Variants in SDK1 observed in about 807,000 individuals in gnomAD.
SDK1 encodes the protein protein sidekick-1.
Under a neutral mutation model 245.5 loss-of-function variants are expected in SDK1, and 157 were observed. That is an observed-to-expected ratio of 0.64 (90% confidence interval 0.56 to 0.73). The LOEUF is 0.73. Among genes scored for constraint, SDK1 ranks in the 30% least tolerant of loss-of-function variants. The pLI, the probability that SDK1 is intolerant of heterozygous loss-of-function variation, is 0.00. For missense variants in SDK1, 3,583 were observed against 3,002.3 expected, an observed-to-expected ratio of 1.19 and a Z score of -4.52; for synonymous variants, 1,647 against 1,278.5, an observed-to-expected ratio of 1.29 and a Z score of -6.15.
At position 3,680,191 on chromosome 7, in the gene SDK1, C is replaced by G. The variant is rs111917248; in HGVS notation, c.713+38086C>G. Among the ~76,000 whole-genome samples, 611 of 152,282 alleles carry G rather than the reference C, an allele frequency of 4.0e-3. 7 individuals carry two copies. The highest frequency in any genetic ancestry group is 0.014 in the African/African-American group (566 of 41,546). On this transcript the variant is annotated intron_variant, in intron 4 of 44. Transcript: ENST00000404826. ...CTTAGGGAAAAACCCAATCTCCAAT[C>G]TCAAAAGGCTTTAGACTGTGTGAGT... is the stretch of plus-strand genomic sequence containing the variant.
intron 19 of SDK1, among the ~76,000 whole-genome samples, chr7:4,067,339 G>T (rs1779971199): frequency 6.6e-6 from 1 of 152,196 alleles, no homozygotes; most frequent in African/African-American, 2.4e-5. Flanking sequence ...CGCCCCTCTG[G>T]AATCCTTCAG....
chr7:3,806,537 C>T lies in SDK1; in HGVS notation c.714-14913C>T, dbSNP rs373087833. ...AGACCGTTACCTTTATAGACCCTAG[C>T]GAAGAATTTTCTGTGGCCTTTGGTC... On this transcript the variant is annotated intron_variant, in intron 4 of 44. Transcript: ENST00000404826. Among the ~76,000 whole-genome samples, 9 of 152,350 alleles carry T rather than the reference C, an allele frequency of 5.9e-5. 1 individual carries two copies. In the East Asian group the frequency reaches 7.7e-4, roughly 13 times the overall value.
At chr7:3,442,758 T>A (rs1330500809) in intron 1 of SDK1, among the ~76,000 whole-genome samples, 2 of 152,218 alleles carry the variant, frequency 1.3e-5, no homozygotes, top group African/African-American at 4.8e-5. Flanking sequence ...CCATTTTTCC[T>A]TTTTCCTTTT....
rs548553450 is a variant in SDK1 at position 4,035,177 on chromosome 7, G to T, written c.2603-14171G>T. Among the ~76,000 whole-genome samples the T allele has an allele frequency of 3.7e-3, 557 of 151,836 alleles. 6 individuals carry two copies. The South Asian group carries it at 0.039, about 11-fold the overall frequency. On this transcript the variant is annotated intron_variant, in intron 17 of 44. Transcript: ENST00000404826. ...TTTTCTTATCTTTAGTAGAGATGGG[G>T]TTTCACCATGTTGGTGAGGCTGGTC...
At chr7:4,169,464 C>T (rs1409763413) in intron 32 of SDK1, among the ~76,000 whole-genome samples, 1 of 152,190 alleles carries the variant, frequency 6.6e-6, no homozygotes, top group Non-Finnish European at 1.5e-5. Flanking sequence ...GCCCTTCTCC[C>T]CTCATCAAAA....
intron 44 of SDK1, among the ~76,000 whole-genome samples, chr7:4,256,299 C>A (rs1354174853): frequency 6.6e-6 from 1 of 152,212 alleles, no homozygotes; most frequent in Non-Finnish European, 1.5e-5. Context: ...GGTCTGCTGA[C>A]CTCCTCACAT....
intron 1 of SDK1, among the ~76,000 whole-genome samples, chr7:3,569,387 G>T (rs970487302): frequency 6.6e-6 from 1 of 152,200 alleles, no homozygotes; most frequent in Non-Finnish European, 1.5e-5. Context: ...TGGTTCCCAA[G>T]GTTCATGAGA....
At chr7:3,966,928 C>T (rs927085650) in intron 9 of SDK1, among the ~76,000 whole-genome samples, 1 of 152,190 alleles carries the variant, frequency 6.6e-6, no homozygotes, top group African/African-American at 2.4e-5. Flanking sequence ...TCAAGCAGTC[C>T]TCTTGCCTCA....
chr7:4,140,523 G>A (rs1779513068), intron 28 of SDK1, among the ~76,000 whole-genome samples: 1 of 152,204 alleles, frequency 6.6e-6, no homozygotes. Context: ...ATTGTTTTCT[G>A]TTTTTTTCTC....
intron 1 of SDK1, among the ~76,000 whole-genome samples, chr7:3,377,603 G>A (rs1024757467): frequency 6.6e-6 from 1 of 152,060 alleles, no homozygotes; most frequent in Admixed American, 6.5e-5. Flanking sequence ...TGTTGTAACA[G>A]TTCTGAGTTC....
intron 32 of SDK1, among the ~76,000 whole-genome samples, chr7:4,164,759 A>G (rs1164009484): frequency 6.6e-6 from 1 of 152,176 alleles, no homozygotes; most frequent in African/African-American, 2.4e-5. Context: ...GTGCTGCTGG[A>G]CAGCTCAGGG....
At chr7:4,137,122 G>A (rs1488933414) in intron 28 of SDK1, among the ~76,000 whole-genome samples, 1 of 152,210 alleles carries the variant, frequency 6.6e-6, no homozygotes, top group Non-Finnish European at 1.5e-5. Context: ...CCAGGGAAGT[G>A]CACAATTTAT....
rs1196735792 is a variant in SDK1, at chr7:4,149,343, G to A, written c.4505G>A (p.Gly1502Asp). ...ARSLRLQWVP[G>D]SDGASPIRYF... is the part of the protein sequence containing the mutation. ...AGCCTCCGGCTCCAGTGGGTCCCGG[G>A]CAGCGACGGGGCCTCCCCCATCCGG... The change falls in exon 30 of 45, where the codon GGC (glycine) becomes GAC (aspartate). Residue 1502 changes from glycine (G) to aspartate (D), a missense_variant. Gly to Asp is a moderately conservative substitution (Grantham distance 94, BLOSUM62 -1). Transcript: ENST00000404826. The A allele has an allele frequency of 1.3e-6, 2 of 1,591,510 alleles. No homozygotes were observed. The highest frequency in any genetic ancestry group is 8.6e-7 in the Non-Finnish European group (1 of 1,169,560).
intron 4 of SDK1, among the ~76,000 whole-genome samples, chr7:3,658,609 CTTTT>C (rs71029690): frequency 2.0e-5 from 2 of 101,964 alleles, no homozygotes; most frequent in African/African-American, 7.7e-5. Context: ...CTACTATCTT[CTTTT>C]TTTTTTTTTT....
chr7:3,316,840 A>G (rs1779675381), intron 1 of SDK1, among the ~76,000 whole-genome samples: 1 of 152,178 alleles, frequency 6.6e-6, no homozygotes, highest in Non-Finnish European at 1.5e-5. Context: ...TGCTTAAACT[A>G]GACAGAATTG....
intron 4 of SDK1, among the ~76,000 whole-genome samples, chr7:3,646,788 A>T (rs1315192410): frequency 1.3e-5 from 2 of 152,180 alleles, no homozygotes; most frequent in Non-Finnish European, 2.9e-5. Context: ...AGAGGCTGGT[A>T]TGTTTTGAAA....
At chr7:3,604,347 C>T (rs1473959193) in intron 1 of SDK1, among the ~76,000 whole-genome samples, 1 of 152,084 alleles carries the variant, frequency 6.6e-6, no homozygotes, top group Non-Finnish European at 1.5e-5. Context: ...TTTACTGATT[C>T]TGCTCTTACC....
At chr7:3,332,728 G>C (rs1287903721) in intron 1 of SDK1, among the ~76,000 whole-genome samples, 2 of 152,126 alleles carry the variant, frequency 1.3e-5, no homozygotes, top group Non-Finnish European at 2.9e-5. Context: ...ACTTTTAAAG[G>C]TTCTGACATT....
intron 4 of SDK1, among the ~76,000 whole-genome samples, chr7:3,802,209 C>T (rs1483561059): frequency 6.6e-6 from 1 of 152,056 alleles, no homozygotes; most frequent in Non-Finnish European, 1.5e-5. Flanking sequence ...ACTACATGTG[C>T]AGATGTGTGT....
Sources: gnomAD v4.1 joint callset for allele counts (sites outside exome capture counted in the v4.1 genomes callset) on GRCh38, gnomAD v4.1.1 for gene constraint, MANE v1.5 for transcripts, NCBI Gene and HGNC (gene_info 2026-07-23, HGNC 2026-07-21) for gene names.